EPHA7: variants seen among roughly 807,000 people sequenced by gnomAD.
The protein encoded by EPHA7 is EPH receptor A7.
Under a neutral mutation model 112.6 loss-of-function variants are expected in EPHA7, and 25 were observed. The observed-to-expected ratio is 0.22, with a 90% CI of 0.16 to 0.31. The LOEUF (loss-of-function observed/expected upper bound fraction) is 0.31. Ranked by LOEUF, EPHA7 falls within the 10% of genes least tolerant of loss-of-function variation. The pLI is 1.00. For missense variants in EPHA7, 962 were observed against 1,212.6 expected (o/e 0.79, Z 3.07); for synonymous variants, 437 against 406.5 (o/e 1.07, Z -0.90).
chr6:93,298,443 A>G (rs1156829293), intron 5 of EPHA7, among the ~76,000 whole-genome samples: 1 of 152,168 alleles, frequency 6.6e-6, no homozygotes, highest in African/African-American at 2.4e-5. Flanking sequence ...AAAAATGCAG[A>G]GTAGCATATA....
intron 3 of EPHA7, among the ~76,000 whole-genome samples, chr6:93,384,082 A>C (rs938243548): frequency 3.9e-5 from 6 of 152,204 alleles, no homozygotes; most frequent in Admixed American, 3.3e-4. Context: ...ACACTCAAAA[A>C]TATTAAAATT....
At chr6:93,332,213 G>GTCAC (rs1774629359) in intron 5 of EPHA7, among the ~76,000 whole-genome samples, 1 of 151,480 alleles carries the variant, frequency 6.6e-6, no homozygotes, top group Non-Finnish European at 1.5e-5. Context: ...GGAGCTCAGT[G>GTCAC]GACCCGGTGG....
At chr6:93,245,186 T>C in intron 16 of EPHA7, 112 bp downstream of exon 16, 1 of 1,019,394 alleles carries the variant, frequency 9.8e-7, no homozygotes. Flanking sequence ...GTATTTTTTT[T>C]ATCTTGATTT....
At chr6:93,329,945 C>T (rs1473500884) in intron 5 of EPHA7, among the ~76,000 whole-genome samples, 1 of 151,020 alleles carries the variant, frequency 6.6e-6, no homozygotes, top group African/African-American at 2.4e-5. Context: ...TAAACTCTCA[C>T]CTAAAGTATA....
intron 14 of EPHA7, among the ~76,000 whole-genome samples, chr6:93,249,825 G>A (rs1314420073): frequency 6.6e-6 from 1 of 152,082 alleles, no homozygotes; most frequent in Non-Finnish European, 1.5e-5. Flanking sequence ...AGCACTTCAA[G>A]CTTTCAGAAT....
At chr6:93,416,124 C>T (rs1171846105) in intron 1 of EPHA7, among the ~76,000 whole-genome samples, 3 of 152,038 alleles carry the variant, frequency 2.0e-5, no homozygotes, top group Non-Finnish European at 4.4e-5. Flanking sequence ...ACATTTGACT[C>T]CCTTTCAAAT....
chr6:93,336,167 G>T (rs560422472), intron 5 of EPHA7, among the ~76,000 whole-genome samples: 2 of 152,198 alleles, frequency 1.3e-5, no homozygotes, highest in South Asian at 4.1e-4. Flanking sequence ...ATACAAGAAA[G>T]AAAAATAATA....
intron 5 of EPHA7, among the ~76,000 whole-genome samples, chr6:93,281,757 A>C (rs937518157): frequency 6.6e-6 from 1 of 152,194 alleles, no homozygotes; most frequent in Non-Finnish European, 1.5e-5. Context: ...AATTTTTGAC[A>C]TGATAACATA....
chr6:93,361,207 T>C (rs1447869932), intron 3 of EPHA7, among the ~76,000 whole-genome samples: 1 of 152,116 alleles, frequency 6.6e-6, no homozygotes, highest in Non-Finnish European at 1.5e-5. Flanking sequence ...TTAACATTTT[T>C]TCTTTGAAGT....
chr6:93,401,529 CA>C (rs1327222844), intron 3 of EPHA7, among the ~76,000 whole-genome samples: 2 of 151,050 alleles, frequency 1.3e-5, no homozygotes, highest in Non-Finnish European at 1.5e-5. Context: ...GGGTAGAAAA[CA>C]AAAAAAATAA....
At chr6:93,304,679 C>T (rs1048872277) in intron 5 of EPHA7, among the ~76,000 whole-genome samples, 7 of 152,072 alleles carry the variant, frequency 4.6e-5, no homozygotes, top group African/African-American at 1.7e-4. Flanking sequence ...TATGTCACTC[C>T]TCTGCTGAAA....
At chr6:93,351,473 A>T (rs1304549692) in intron 5 of EPHA7, among the ~76,000 whole-genome samples, 1 of 152,108 alleles carries the variant, frequency 6.6e-6, no homozygotes, top group African/African-American at 2.4e-5. Context: ...TTCAGTTTTC[A>T]TCCTAATTCC....
chr6:93,246,097 G>A (rs1769935283), intron 15 of EPHA7, among the ~76,000 whole-genome samples: 1 of 151,792 alleles, frequency 6.6e-6, no homozygotes, highest in Admixed American at 6.6e-5. Flanking sequence ...TGTCGCCCAG[G>A]CTGGAGTGCA....
In EPHA7 at chr6:93,241,995, G is replaced by A. The variant is rs1482069205; in HGVS notation, c.*1431C>T. On this transcript the variant is annotated 3_prime_UTR_variant, in exon 17 of 17. Transcript: ENST00000369303. ...CATTATAAACAGCCCAATTCTCTTT[G>A]GAAGTACAACAGTTCAATTCTGGGG... The A allele has an allele frequency of 2.4e-5, 5 of 211,350 alleles. No individual in the cohort carries two copies. The highest frequency in any genetic ancestry group is 3.8e-5 in the Non-Finnish European group (4 of 103,956). 13.1% of individuals were successfully genotyped at this position (211,350 alleles called of 1,614,324 possible).
chr6:93,390,627 T>C (rs1037036286), intron 3 of EPHA7, among the ~76,000 whole-genome samples: 2 of 151,596 alleles, frequency 1.3e-5, no homozygotes, highest in East Asian at 1.9e-4. Context: ...GATATAAATG[T>C]AGAAAAATTG....
At chr6:93,327,769 T>C (rs961231746) in intron 5 of EPHA7, among the ~76,000 whole-genome samples, 3 of 151,476 alleles carry the variant, frequency 2.0e-5, no homozygotes, top group Non-Finnish European at 3.0e-5. Flanking sequence ...AGCCACCTTC[T>C]AGATTATTGC....
intron 5 of EPHA7, among the ~76,000 whole-genome samples, chr6:93,290,604 T>C (rs1582458136): frequency 6.6e-6 from 1 of 152,166 alleles, no homozygotes; most frequent in African/African-American, 2.4e-5. Context: ...CTTTCTTTCC[T>C]CTCTCTCTCC....
chr6:93,297,999 T>C (rs1319315231), intron 5 of EPHA7, among the ~76,000 whole-genome samples: 2 of 152,158 alleles, frequency 1.3e-5, no homozygotes, highest in South Asian at 2.1e-4. Flanking sequence ...TAAATAAGTA[T>C]CATTTCAGAG....
At chr6:93,346,869 C>G (rs1775429070) in intron 5 of EPHA7, among the ~76,000 whole-genome samples, 1 of 151,694 alleles carries the variant, frequency 6.6e-6, no homozygotes, top group African/African-American at 2.4e-5. Flanking sequence ...AACTTCTTTA[C>G]TCTAAAGTGG....
Sources: allele counts gnomAD v4.1 joint callset (sites outside exome capture counted in the v4.1 genomes callset), GRCh38; gene constraint gnomAD v4.1.1; transcripts MANE v1.5; gene names NCBI Gene and HGNC (gene_info 2026-07-23, HGNC 2026-07-21).